CTNNA2: variants seen among roughly 807,000 people sequenced by gnomAD.
The protein encoded by CTNNA2 is catenin alpha-2.
Under a neutral mutation model 101.0 loss-of-function variants are expected in CTNNA2, and 42 were observed. That is an observed-to-expected ratio of 0.42 (90% CI 0.32 to 0.54). The LOEUF is 0.54. CTNNA2 is among the 20% of genes least tolerant of loss of function. The probability of loss-of-function intolerance (pLI) is 0.14; values close to 1 mark genes in which losing one functional copy is unlikely to be tolerated. For synonymous variants in CTNNA2, 450 were observed against 456.4 expected, an observed-to-expected ratio of 0.99 and a Z score of 0.18; for missense variants, 871 against 1,223.1, an observed-to-expected ratio of 0.71 and a Z score of 4.29.
chr2:79,522,549 T>TAG (rs1672175171), intron 1 of CTNNA2, among the ~76,000 whole-genome samples: 1 of 152,192 alleles, frequency 6.6e-6, no homozygotes, highest in Non-Finnish European at 1.5e-5. Context: ...TCAGCAACTT[T>TAG]GCTTCAGCAA....
Position 80,036,840 on chromosome 2 carries a change from TGTGTGTGTGAGAGA to T in CTNNA2, c.1056+127045_1056+127058del, listed in dbSNP as rs1423656814. 1.2e-3 allele frequency among the ~76,000 whole-genome samples: 90 copies of T among 78,206 alleles called. 1 individual carries two copies. Among genetic ancestry groups the T allele is most frequent in the Non-Finnish European group, 1.4e-4 (5 of 35,890 alleles). 51.3% of individuals were successfully genotyped at this position (78,206 alleles called of 152,430 possible). On this transcript the variant is annotated intron_variant, in intron 7 of 18. Coordinates refer to ENST00000402739, the MANE Select transcript of CTNNA2 (RefSeq NM_001282597.3). ...GTGTGTGTTTGTGTGTGTGTGTGTGTGTGTGTGTGAGAGAGAGAGAGAGAGAGAGAGAGAGAGAA... is the reference window on the plus strand; with the variant it reads ...GTGTGTGTTTGTGTGTGTGTGTGTGTGAGAGAGAGAGAGAGAGAGAGAGAA...
chr2:79,875,294 AATTT>A lies in CTNNA2; in HGVS notation c.852+959_852+962del, dbSNP rs1458462782. Reference sequence around the variant, plus strand: ...GGTCAGAGGACCTGTGAGAAGTTGGAATTTATTTATCTTATGATCAATGAAAGCC... The same window carrying A: ...GGTCAGAGGACCTGTGAGAAGTTGGAATTTATCTTATGATCAATGAAAGCC... On this transcript the variant is annotated intron_variant, in intron 6 of 18. Transcript: ENST00000402739. Among the ~76,000 whole-genome samples, 3 of 152,174 alleles carry A rather than the reference AATTT, an allele frequency of 2.0e-5. No homozygotes were observed. In the East Asian group the frequency reaches 5.8e-4, roughly 29 times the overall value.
chr2:79,587,369 C>A (rs750672537), intron 1 of CTNNA2, among the ~76,000 whole-genome samples: 1 of 152,080 alleles, frequency 6.6e-6, no homozygotes, highest in African/African-American at 2.4e-5. Flanking sequence ...CGAGAAGTTA[C>A]GTAACATGCC....
At chr2:80,280,280 G>C (rs73938264) in intron 7 of CTNNA2, among the ~76,000 whole-genome samples, 2,765 of 149,286 alleles carry the variant, frequency 0.019, 92 homozygotes, top group African/African-American at 0.064. Context: ...GGTGCTGATA[G>C]TAATAATTCA....
chr2:79,340,757 C>A (rs1677113761), intron 3 of CTNNA2, among the ~76,000 whole-genome samples: 1 of 145,266 alleles, frequency 6.9e-6, no homozygotes, highest in African/African-American at 2.5e-5. Context: ...TGGCCTGAAC[C>A]CGGGAGGCGG....
At chr2:80,195,631 AG>A (rs1441394222) in intron 7 of CTNNA2, among the ~76,000 whole-genome samples, 19 of 139,292 alleles carry the variant, frequency 1.4e-4, no homozygotes, top group African/African-American at 5.1e-4. Context: ...TTTTTTTTTT[AG>A]AATAGAAGCA....
At chr2:79,815,127 A>T (rs979544464) in intron 3 of CTNNA2, among the ~76,000 whole-genome samples, 4 of 151,550 alleles carry the variant, frequency 2.6e-5, no homozygotes, top group African/African-American at 9.7e-5. Context: ...GGATTATTTT[A>T]TTCTTACTGA....
At chr2:79,946,160 A>T (rs1688479749) in intron 7 of CTNNA2, among the ~76,000 whole-genome samples, 1 of 152,082 alleles carries the variant, frequency 6.6e-6, no homozygotes, top group African/African-American at 2.4e-5. Context: ...CAGGGGAGAG[A>T]ACTGAGGCCC....
chr2:79,195,738 A>G, intron 1 of CTNNA2: 1 of 458,936 alleles, frequency 2.2e-6, no homozygotes, highest in Non-Finnish European at 4.3e-6. Flanking sequence ...ACACAGAGGG[A>G]TGTGTCATAT....
intron 1 of CTNNA2, among the ~76,000 whole-genome samples, chr2:79,562,319 T>A (rs79934818): frequency 0.045 from 6,838 of 152,102 alleles, 418 homozygotes; most frequent in African/African-American, 0.13. Context: ...TACAGTAGCT[T>A]TGTGGTAAAT....
chr2:79,315,419 C>T lies in CTNNA2; in HGVS notation c.-318+2623C>T, dbSNP rs78773947. Reference sequence around the variant, plus strand: ...TCAGTTATTTCTCCTCATCTTTATCCAGCCATAAGCAATCACTAAGCTACT... The same window carrying T: ...TCAGTTATTTCTCCTCATCTTTATCTAGCCATAAGCAATCACTAAGCTACT... On this transcript the variant is annotated intron_variant, in intron 3 of 21. Coordinates refer to the CTNNA2 transcript ENST00000466387. Among the ~76,000 whole-genome samples, 393 of 152,212 alleles carry T rather than the reference C, an allele frequency of 2.6e-3. 8 individuals carry two copies. The East Asian group carries it at 0.062, about 24-fold the overall frequency.
intron 3 of CTNNA2, among the ~76,000 whole-genome samples, chr2:79,843,687 C>T (rs1054278869): frequency 7.2e-5 from 11 of 152,322 alleles, no homozygotes; most frequent in African/African-American, 2.4e-4. Flanking sequence ...CCTTTAAACT[C>T]CTTTTGGTGA....
chr2:79,303,053 G>A (rs1676149853), intron 2 of CTNNA2, among the ~76,000 whole-genome samples: 1 of 152,144 alleles, frequency 6.6e-6, no homozygotes, highest in African/African-American at 2.4e-5. Context: ...TACATAGGAT[G>A]CTATGCTGAT....
At chr2:80,403,394 A>G (rs997246358) in intron 8 of CTNNA2, among the ~76,000 whole-genome samples, 2 of 152,156 alleles carry the variant, frequency 1.3e-5, no homozygotes, top group African/African-American at 2.4e-5. Context: ...TTATGAGATG[A>G]CACGTTGGAC....
chr2:79,656,317 G>A (rs1681611417), intron 2 of CTNNA2, among the ~76,000 whole-genome samples: 1 of 152,032 alleles, frequency 6.6e-6, no homozygotes, highest in South Asian at 2.1e-4. Flanking sequence ...AAGCAAACTG[G>A]AACTGTGAGA....
At chr2:80,536,000 G>A (rs941511153) in intron 9 of CTNNA2, among the ~76,000 whole-genome samples, 6 of 152,080 alleles carry the variant, frequency 3.9e-5, no homozygotes, top group African/African-American at 1.2e-4. Flanking sequence ...GCTGATCATC[G>A]AAGGCTGAGC....
intron 4 of CTNNA2, among the ~76,000 whole-genome samples, chr2:79,499,480 G>C (rs1264093553): frequency 2.0e-5 from 3 of 152,096 alleles, no homozygotes; most frequent in Non-Finnish European, 4.4e-5. Flanking sequence ...GTTCTTCCCT[G>C]ATCAAAACAC....
At chr2:79,507,530 C>T (rs937879804) in intron 5 of CTNNA2, among the ~76,000 whole-genome samples, 3 of 152,058 alleles carry the variant, frequency 2.0e-5, no homozygotes, top group East Asian at 1.9e-4. Flanking sequence ...TGTGACCCTT[C>T]GATCTTGGAC....
intron 2 of CTNNA2, among the ~76,000 whole-genome samples, chr2:79,734,408 T>C (rs751610087): frequency 5.3e-4 from 80 of 152,146 alleles, no homozygotes; most frequent in Middle Eastern, 3.2e-3. Flanking sequence ...GTAAGATATA[T>C]ATTTTAGATA....
Sources: gnomAD v4.1 joint callset for allele counts (sites outside exome capture counted in the v4.1 genomes callset) on GRCh38, gnomAD v4.1.1 for gene constraint, MANE v1.5 for transcripts, NCBI Gene and HGNC (gene_info 2026-07-23, HGNC 2026-07-21) for gene names.